Variants in JADE3 observed in about 807,000 individuals in gnomAD.
JADE3 encodes the protein jade family PHD finger 3.
JADE3 carries 2 observed loss-of-function variants against 50.1 expected under a neutral mutation model. The observed-to-expected ratio is 0.04, with a 90% CI of 0.02 to 0.13. JADE3 has a LOEUF of 0.13. Among genes scored for constraint, JADE3 ranks in the 10% least tolerant of loss-of-function variants. The pLI, the probability that JADE3 is intolerant of heterozygous loss-of-function variation, is 1.00. For synonymous variants in JADE3, 218 were observed against 232.9 expected, an observed-to-expected ratio of 0.94 and a Z score of 0.58; for missense variants, 475 against 634.4, an observed-to-expected ratio of 0.75 and a Z score of 2.70.
intron 8 of JADE3, among the ~76,000 whole-genome samples, chrX:47,044,561 A>G (rs1028765498): frequency 2.7e-5 from 3 of 111,845 alleles, no homozygotes; most frequent in East Asian, 5.5e-4. Flanking sequence ...AAAGAAAAGG[A>G]TGTTAATGGC....
At chrX:47,024,953 A>G (rs1220789139) in intron 5 of JADE3, 39 bp downstream of exon 5, 3 of 834,146 alleles carry the variant, frequency 3.6e-6, no homozygotes, top group Non-Finnish European at 5.1e-6. Context: ...GACTTAATTC[A>G]TGTTTTTTTT....
chrX:46,997,639 T>C (rs949558331), intron 3 of JADE3, among the ~76,000 whole-genome samples: 6 of 112,363 alleles, frequency 5.3e-5, no homozygotes, highest in Non-Finnish European at 1.1e-4. Context: ...GTTTAGGTAA[T>C]TGAACTCTGG....
chrX:47,032,928 G>A (rs1556367058), intron 6 of JADE3, among the ~76,000 whole-genome samples: 3 of 111,465 alleles, frequency 2.7e-5, no homozygotes, highest in African/African-American at 9.8e-5. Context: ...ATTGGGGATA[G>A]CAAAAAGGGA....
chrX:46,965,235 C>T (rs1927342938), intron 1 of JADE3, among the ~76,000 whole-genome samples: 1 of 110,856 alleles, frequency 9.0e-6, no homozygotes, highest in African/African-American at 3.3e-5. Context: ...AGGAAATGAT[C>T]CCTGACTGTG....
intron 1 of JADE3, among the ~76,000 whole-genome samples, chrX:46,955,036 T>G (rs142470575): frequency 0.03 from 3,349 of 112,253 alleles, 146 homozygotes; most frequent in African/African-American, 0.1. Context: ...TCCTCAGCTA[T>G]AACATGTTGT....
intron 1 of JADE3, among the ~76,000 whole-genome samples, chrX:46,982,446 C>T (rs782742179): frequency 9.0e-5 from 10 of 110,913 alleles, no homozygotes; most frequent in Non-Finnish European, 1.9e-4. Flanking sequence ...AAGGTTTTGC[C>T]TGTTAAATCT....
intron 1 of JADE3, among the ~76,000 whole-genome samples, chrX:46,982,798 G>A (rs1229810677): frequency 9.0e-6 from 1 of 110,535 alleles, no homozygotes; most frequent in Admixed American, 9.6e-5. Flanking sequence ...ATGCTGTTAT[G>A]GTCTACTAAT....
chrX:46,952,497 G>A (rs1221784906), intron 1 of JADE3, among the ~76,000 whole-genome samples: 1 of 112,448 alleles, frequency 8.9e-6, no homozygotes, highest in Admixed American at 9.4e-5. Context: ...AGATCCACCT[G>A]TGAGGAAGTG....
At chrX:46,981,111 G>T (rs1160944059) in intron 1 of JADE3, among the ~76,000 whole-genome samples, 2 of 111,699 alleles carry the variant, frequency 1.8e-5, no homozygotes, top group African/African-American at 6.5e-5. Context: ...AGAAAGGAAC[G>T]CAGTCCTGAT....
At chrX:46,930,916 C>T (rs1174225641) in intron 1 of JADE3, among the ~76,000 whole-genome samples, 2 of 111,441 alleles carry the variant, frequency 1.8e-5, no homozygotes, top group African/African-American at 6.5e-5. Context: ...ACCCTGAACG[C>T]GCACTACCTG....
At chrX:46,979,873 ATTTTTTT>A (rs56397998) in intron 1 of JADE3, among the ~76,000 whole-genome samples, 13 of 63,136 alleles carry the variant, frequency 2.1e-4, no homozygotes, top group African/African-American at 6.0e-4. Context: ...ATGTCTGCTG[ATTTTTTT>A]TTTTTTTTTT....
At chrX:46,936,903 C>CT (rs1926636258) in intron 1 of JADE3, among the ~76,000 whole-genome samples, 1 of 111,761 alleles carries the variant, frequency 8.9e-6, no homozygotes, top group African/African-American at 3.2e-5. Context: ...AAAGAACCAA[C>CT]TTTTGGCTTC....
At chrX:47,034,660 C>T (rs781958640) in intron 7 of JADE3, among the ~76,000 whole-genome samples, 1 of 109,908 alleles carries the variant, frequency 9.1e-6, no homozygotes, top group African/African-American at 3.3e-5. Context: ...AGTGCAGTGG[C>T]GCTATCTCGG....
intron 10 of JADE3, among the ~76,000 whole-genome samples, chrX:47,057,360 G>A (rs1404209829): frequency 9.0e-6 from 1 of 111,434 alleles, no homozygotes; most frequent in Non-Finnish European, 1.9e-5. Context: ...TATACAAGGA[G>A]GAATTGTTTG....
intron 1 of JADE3, among the ~76,000 whole-genome samples, chrX:46,920,789 A>G (rs781958491): frequency 8.9e-6 from 1 of 111,880 alleles, no homozygotes; most frequent in South Asian, 3.7e-4. Flanking sequence ...CTGTGGATCT[A>G]TTTCTGGGCT....
intron 1 of JADE3, among the ~76,000 whole-genome samples, chrX:46,922,053 A>G (rs981950527): frequency 6.5e-5 from 7 of 107,685 alleles, no homozygotes; most frequent in African/African-American, 1.7e-4. Flanking sequence ...ACCTCTCCCA[A>G]TGCTATCCCT....
chrX:46,953,159 A>G (rs1214647315), intron 1 of JADE3, among the ~76,000 whole-genome samples: 3 of 111,063 alleles, frequency 2.7e-5, no homozygotes, highest in Non-Finnish European at 5.7e-5. Flanking sequence ...TTTTCTAGAC[A>G]TTAGAAAGGG....
rs1929771720 is a variant in JADE3 at position 47,061,125 on chromosome X, T to C, written c.*2048T>C. 1 of 112,168 alleles carries C rather than the reference T, an allele frequency of 8.9e-6. No homozygotes were observed. Among genetic ancestry groups the C allele is most frequent in the South Asian group, 3.7e-4 (1 of 2,685 alleles). The allele number at this position is 112,168 out of a possible 1,213,427, so 9.2% of individuals were successfully genotyped here. On this transcript the variant is annotated 3_prime_UTR_variant, in exon 11 of 11. Transcript: ENST00000614628. ...TTGTTTGAAGTATTACCTCTTAACC[T>C]TCTTTGTTAATTTTTTTCATTTTGT...
intron 4 of JADE3, among the ~76,000 whole-genome samples, chrX:47,013,823 C>T (rs1200299388): frequency 8.9e-6 from 1 of 112,022 alleles, no homozygotes; most frequent in African/African-American, 3.2e-5. Context: ...CTTTCTTGAG[C>T]AGTTTTCTGT....
Sources: gnomAD v4.1 joint callset for allele counts (sites outside exome capture counted in the v4.1 genomes callset) on GRCh38, gnomAD v4.1.1 for gene constraint, MANE v1.5 for transcripts, NCBI Gene and HGNC (gene_info 2026-07-23, HGNC 2026-07-21) for gene names.